HTATIP2: variants seen among roughly 807,000 people sequenced by gnomAD.
The protein encoded by HTATIP2 is HIV-1 Tat interactive protein 2, also known as protein HTATIP2.
A neutral mutation model predicts 24.7 loss-of-function variants in HTATIP2; 26 were observed. The observed-to-expected ratio is 1.05, with a 90% confidence interval of 0.77 to 1.46. The LOEUF is 1.46. Ranked by LOEUF, HTATIP2 falls within the 40% of genes most tolerant of loss-of-function variation. HTATIP2 has a pLI of 0.00. For synonymous variants in HTATIP2, 99 were observed against 113.2 expected, an observed-to-expected ratio of 0.87 and a Z score of 0.79; for missense variants, 284 against 289.6, an observed-to-expected ratio of 0.98 and a Z score of 0.14.
chr11:20,365,537 C>T (rs187781316), intron 1 of HTATIP2, among the ~76,000 whole-genome samples: 1 of 152,346 alleles, frequency 6.6e-6, no homozygotes, highest in African/African-American at 2.4e-5. Flanking sequence ...TTGATTCTCG[C>T]AGGTCTGTGT....
At chr11:20,373,576 A>G (rs949607134) in intron 2 of HTATIP2, among the ~76,000 whole-genome samples, 3 of 152,214 alleles carry the variant, frequency 2.0e-5, no homozygotes, top group African/African-American at 4.8e-5. Context: ...ACAGACTACT[A>G]TAATAATCCT....
intron 2 of HTATIP2, among the ~76,000 whole-genome samples, chr11:20,370,738 C>T (rs1419248981): frequency 6.6e-6 from 1 of 152,190 alleles, no homozygotes; most frequent in African/African-American, 2.4e-5. Flanking sequence ...CAAGCTCCGC[C>T]TCCTGGGTTC....
At chr11:20,376,372 T>C (rs10741833) in intron 2 of HTATIP2, 507,865 of 563,078 alleles carry the variant, frequency 0.9, 232,401 homozygotes, top group Non-Finnish European at 0.95. Flanking sequence ...TGCAGTCCAG[T>C]CTTGCTGCTA....
At chr11:20,370,056 C>T (rs1184691280) in intron 2 of HTATIP2, among the ~76,000 whole-genome samples, 1 of 152,208 alleles carries the variant, frequency 6.6e-6, no homozygotes, top group Non-Finnish European at 1.5e-5. Context: ...GCATCAGCAT[C>T]TCTGAATTTG....
At chr11:20,381,335 G>A (rs1290679355) in intron 3 of HTATIP2, among the ~76,000 whole-genome samples, 1 of 152,118 alleles carries the variant, frequency 6.6e-6, no homozygotes, top group Non-Finnish European at 1.5e-5. Flanking sequence ...AGCTACTTGG[G>A]AGGCCGAGGC....
Position 20,383,141 on chromosome 11 carries a change from T to C in HTATIP2, c.665T>C (p.Met222Thr). The C allele has an allele frequency of 1.2e-6, 2 of 1,613,980 alleles. No individual in the cohort carries two copies. Among genetic ancestry groups the C allele is most frequent in the Non-Finnish European group, 8.5e-7 (1 of 1,179,996 alleles). Residue 222 changes from methionine to threonine, a missense_variant, in exon 5 of 5, where the codon ATG becomes ACG. Coordinates refer to ENST00000451739, the MANE Select transcript of HTATIP2 (RefSeq NM_001098522.2). ...NNVVRPRDKQ[M>T]ELLENKAIHD... is the part of the protein sequence containing the mutation. Reference sequence around the variant, plus strand: ...GTGGTGAGACCAAGAGACAAGCAGATGGAACTGCTGGAGAACAAGGCCATC... The same window carrying C: ...GTGGTGAGACCAAGAGACAAGCAGACGGAACTGCTGGAGAACAAGGCCATC...
At chr11:20,367,792 C>T in intron 2 of HTATIP2, 1 of 362,606 alleles carries the variant, frequency 2.8e-6, no homozygotes, top group South Asian at 9.2e-5. Flanking sequence ...GATTCAACCC[C>T]ACTAATGATT....
At chr11:20,376,442 C>G (rs1478905351) in intron 2 of HTATIP2, 138 bp from the exon 3 acceptor site, 1 of 966,732 alleles carries the variant, frequency 1.0e-6, no homozygotes, top group African/African-American at 1.6e-5. Flanking sequence ...CTAAGCCTGA[C>G]TTTCATGTAT....
intron 1 of HTATIP2, among the ~76,000 whole-genome samples, chr11:20,365,129 GT>G (rs543187856): frequency 7.4e-4 from 112 of 152,074 alleles, no homozygotes; most frequent in African/African-American, 2.6e-3. Flanking sequence ...AACTACAGGC[GT>G]GCGTCACCAC....
intron 3 of HTATIP2, among the ~76,000 whole-genome samples, chr11:20,379,498 G>A (rs1250229985): frequency 2.6e-5 from 4 of 151,992 alleles, no homozygotes; most frequent in South Asian, 4.2e-4. Context: ...GAACTCCCCC[G>A]CCCCACCCAA....
chr11:20,364,420 T>C lies in HTATIP2; in HGVS notation c.183T>C (p.Ala61=). 7 of 1,606,730 alleles carry C rather than the reference T, an allele frequency of 4.4e-6. No individual in the cohort carries two copies. Among genetic ancestry groups the C allele is most frequent in the Non-Finnish European group, 6.0e-6 (7 of 1,175,422 alleles). Residue 61 remains alanine (A), a synonymous_variant, in exon 1 of 5, where the codon GCT becomes GCC. Transcript: ENST00000451739. ...GGAAGCTCACCTTCGACGAGGAAGC[T>C]TATAAAAATGTGGTGGGTATTTCAG... ...GRRKLTFDEE[A]YKNVNQEVVD... is the part of the protein sequence containing the mutation.
rs1848412905 is a variant in HTATIP2 at position 20,374,514 on chromosome 11, C to T, written c.304-2066C>T. Among the ~76,000 whole-genome samples, 3 of 152,300 alleles carry T rather than the reference C, an allele frequency of 2.0e-5. No individual in the cohort carries two copies. In the South Asian group the frequency reaches 6.2e-4, roughly 32 times the overall value. On this transcript the variant is annotated intron_variant, in intron 2 of 4. Coordinates refer to ENST00000451739, the MANE Select transcript of HTATIP2 (RefSeq NM_001098522.2). The stretch of plus-strand genomic sequence containing the variant: ...CTAGAGGCCACCCCCATTCCTTGGC[C>T]TGTGGTCCCCTTACCATCCTTAAGG...
At position 20,383,237 on chromosome 11, in the gene HTATIP2, C is replaced by A; in HGVS notation, c.*32C>A. The A allele has an allele frequency of 6.6e-7, 1 of 1,507,990 alleles. No homozygotes were observed. Among genetic ancestry groups the A allele is most frequent in the Non-Finnish European group, 9.1e-7 (1 of 1,094,030 alleles). 93.4% of individuals were successfully genotyped at this position (1,507,990 alleles called of 1,614,324 possible). ...TGGAGAAATGGTTTTTATTGTCAACCTTAACACCCATCACCAAATCGGTAA... is the reference window on the plus strand; with the variant it reads ...TGGAGAAATGGTTTTTATTGTCAACATTAACACCCATCACCAAATCGGTAA... On this transcript the variant is annotated 3_prime_UTR_variant, in exon 5 of 5. Transcript: ENST00000451739.
Position 20,382,334 on chromosome 11 carries a change from C to CTT in HTATIP2, c.503+96_503+97insTT. On this transcript the variant is annotated intron_variant, in intron 4 of 4. Transcript: ENST00000451739. The stretch of plus-strand genomic sequence containing the variant: ...TTGGAAAGGCTGACAGCTGAAATAT[C>CTT]TAAGATATGAAAGACATTGGCTAGA... 4.1e-6 allele frequency: 3 copies of CTT among 727,880 alleles called. No individual in the cohort carries two copies. In the South Asian group the frequency reaches 5.1e-5, roughly 12 times the overall value. The allele number at this position is 727,880 out of a possible 1,614,324, so 45.1% of individuals were successfully genotyped here. A position where few individuals can be genotyped will look rare whatever the true frequency, so the allele number is the denominator to read the frequency against.
rs1363468064 is a variant in HTATIP2, at chr11:20,364,344, A to G, written c.107A>G (p.Lys36Arg). The G allele has an allele frequency of 3.7e-6, 6 of 1,613,654 alleles. No individual in the cohort carries two copies. In the African/African-American group the frequency reaches 6.7e-5, roughly 18 times the overall value. Residue 36 changes from lysine to arginine, a missense_variant, in exon 1 of 5, where the codon AAG becomes AGG. Lys to Arg is a conservative substitution (Grantham distance 26). Transcript: ENST00000451739. ...GGAGAAACCGGCAGAGTGCTCTTAA[A>G]GGAAATCCTGGAGCAGGGCCTGTTT... ...ASGETGRVLL[K>R]EILEQGLFSK...
intron 2 of HTATIP2, among the ~76,000 whole-genome samples, chr11:20,375,014 G>C (rs1228476396): frequency 6.6e-6 from 1 of 152,084 alleles, no homozygotes; most frequent in Non-Finnish European, 1.5e-5. Flanking sequence ...TCATTAGCGA[G>C]AGAGGGTGGG....
Position 20,363,976 on chromosome 11 carries a change from G to T in HTATIP2, c.-262G>T, listed in dbSNP as rs1287890049. The T allele has an allele frequency of 1.2e-5, 15 of 1,246,404 alleles. No individual in the cohort carries two copies. The highest frequency in any genetic ancestry group is 1.2e-5 in the Non-Finnish European group (12 of 994,128). 77.2% of individuals were successfully genotyped at this position (1,246,404 alleles called of 1,614,324 possible). On this transcript the variant is annotated 5_prime_UTR_variant, in exon 1 of 5. Coordinates refer to ENST00000451739, the MANE Select transcript of HTATIP2 (RefSeq NM_001098522.2). ...TCCTGGCCGGGCCGGGGATACCGTG[G>T]GGTATGCCCAGTGATGCCAGCAGCT...
chr11:20,365,985 A>AG (rs1565181047), intron 1 of HTATIP2, among the ~76,000 whole-genome samples: 1 of 151,290 alleles, frequency 6.6e-6, no homozygotes, highest in African/African-American at 2.4e-5. Flanking sequence ...AAAAAAAAAA[A>AG]AAAAGAAAAG....
At chr11:20,382,039 T>G in intron 3 of HTATIP2, 139 bp from the exon 4 acceptor site, 1 of 589,716 alleles carries the variant, frequency 1.7e-6, no homozygotes, top group South Asian at 2.2e-5. Flanking sequence ...CCTTGGAACC[T>G]AAAATTCTAG....
Sources: allele counts gnomAD v4.1 joint callset (sites outside exome capture counted in the v4.1 genomes callset), GRCh38; gene constraint gnomAD v4.1.1; transcripts MANE v1.5; gene names NCBI Gene and HGNC (gene_info 2026-07-23, HGNC 2026-07-21).